The following CFAP96 variants were observed in gnomAD, a reference collection of about 807,000 sequenced individuals.
CFAP96 encodes the protein cilia-and flagella-associated protein 96.
chr4:185,449,136 T>C, the CFAP96 span, among the ~76,000 whole-genome samples: 2 of 152,162 alleles, frequency 1.3e-5, no homozygotes, highest in Non-Finnish European at 2.9e-5. Context: ...AAATGAAGTG[T>C]TTTAAGTTGA....
At chr4:185,420,192 T>C in the CFAP96 span, among the ~76,000 whole-genome samples, 4 of 148,930 alleles carry the variant, frequency 2.7e-5, no homozygotes, top group African/African-American at 4.9e-5. Context: ...GGTTTTTTTT[T>C]CCTCTGTATG....
At chr4:185,415,997 G>A in the CFAP96 span, 2 of 662,210 alleles carry the variant, frequency 3.0e-6, no homozygotes, top group African/African-American at 1.9e-5. Flanking sequence ...GTACAGTAGT[G>A]AAAAGGGGGA....
the CFAP96 span, chr4:185,445,078 A>C: frequency 1.3e-6 from 2 of 1,551,682 alleles, no homozygotes; most frequent in South Asian, 1.2e-5. Context: ...CCACCCACCA[A>C]GTGGACCAAA....
At chr4:185,411,505 G>A in the CFAP96 span, among the ~76,000 whole-genome samples, 14 of 152,036 alleles carry the variant, frequency 9.2e-5, no homozygotes, top group African/African-American at 3.4e-4. Flanking sequence ...TGCAAAAATC[G>A]TAAAATATTA....
At chr4:185,427,047 A>G in the CFAP96 span, among the ~76,000 whole-genome samples, 1 of 150,676 alleles carries the variant, frequency 6.6e-6, no homozygotes, top group Non-Finnish European at 1.5e-5. Context: ...CCTGGGCAAC[A>G]GAGAGAGACT....
At chr4:185,426,785 A>T in the CFAP96 span, among the ~76,000 whole-genome samples, 1 of 149,250 alleles carries the variant, frequency 6.7e-6, no homozygotes, top group African/African-American at 2.5e-5. Context: ...TAATCCCAGC[A>T]CTTTGGGAGG....
At chr4:185,443,911 CTA>C in the CFAP96 span, among the ~76,000 whole-genome samples, 1 of 132,528 alleles carries the variant, frequency 7.5e-6, no homozygotes, top group South Asian at 2.4e-4. Flanking sequence ...AAACTTATAA[CTA>C]TATCTTTCTT....
At chr4:185,444,292 C>G in the CFAP96 span, among the ~76,000 whole-genome samples, 8 of 152,052 alleles carry the variant, frequency 5.3e-5, no homozygotes, top group Admixed American at 1.3e-4. Flanking sequence ...GTATATTTGG[C>G]ATAGATACTA....
At chr4:185,413,900 A>G in the CFAP96 span, 12 of 1,563,894 alleles carry the variant, frequency 7.7e-6, no homozygotes, top group South Asian at 1.5e-4. Flanking sequence ...CAACAGAAAA[A>G]GAAAAAATGT....
At chr4:185,432,201 C>T in the CFAP96 span, 79 of 1,549,172 alleles carry the variant, frequency 5.1e-5, no homozygotes, top group African/African-American at 7.1e-4. Context: ...GAGAAAAAGC[C>T]GTAAGTGTTT....
At chr4:185,448,855 A>G in the CFAP96 span, among the ~76,000 whole-genome samples, 1 of 145,508 alleles carries the variant, frequency 6.9e-6, no homozygotes, top group African/African-American at 2.7e-5. Flanking sequence ...AAGTTCTATG[A>G]TGCTGTTAGA....
chr4:185,427,374 C>T, the CFAP96 span, among the ~76,000 whole-genome samples: 2 of 152,254 alleles, frequency 1.3e-5, no homozygotes, highest in Non-Finnish European at 2.9e-5. Context: ...CTTCACTTGC[C>T]CCTTTGGTGT....
At chr4:185,436,359 G>T in the CFAP96 span, 1 of 1,535,898 alleles carries the variant, frequency 6.5e-7, no homozygotes, top group South Asian at 1.2e-5. Context: ...TAAAGTATAA[G>T]GTAAAAAATC....
At chr4:185,448,439 A>G in the CFAP96 span, among the ~76,000 whole-genome samples, 1 of 152,200 alleles carries the variant, frequency 6.6e-6, no homozygotes, top group Non-Finnish European at 1.5e-5. Context: ...TACTCTTTGT[A>G]GCACTTTGGT....
the CFAP96 span, chr4:185,429,642 C>A: frequency 1.2e-4 from 71 of 590,406 alleles, no homozygotes; most frequent in African/African-American, 1.3e-3. Context: ...AGTTTGTTAA[C>A]GTGTAAAATT....
chr4:185,417,838 G>A, the CFAP96 span, among the ~76,000 whole-genome samples: 1 of 152,116 alleles, frequency 6.6e-6, no homozygotes, highest in African/African-American at 2.4e-5. Context: ...GAGGTCAGGA[G>A]TTTGAGACCA....
the CFAP96 span, among the ~76,000 whole-genome samples, chr4:185,408,716 A>G: frequency 6.6e-6 from 1 of 152,154 alleles, no homozygotes; most frequent in South Asian, 2.1e-4. Context: ...TTCGGTTCCC[A>G]TATACCAGGG....
chr4:185,432,620 T>C, the CFAP96 span, among the ~76,000 whole-genome samples: 6 of 152,130 alleles, frequency 3.9e-5, no homozygotes, highest in Admixed American at 2.0e-4. Flanking sequence ...CCCAGCACTT[T>C]TGGAGGCCGA....
the CFAP96 span, among the ~76,000 whole-genome samples, chr4:185,448,122 G>A: frequency 2.6e-5 from 4 of 152,084 alleles, no homozygotes; most frequent in Non-Finnish European, 5.9e-5. Context: ...CCAGGTTCAA[G>A]CAACTCTCCT....
Sources: gnomAD v4.1 joint callset for allele counts (sites outside exome capture counted in the v4.1 genomes callset) on GRCh38, gnomAD v4.1.1 for gene constraint, MANE v1.5 for transcripts, NCBI Gene and HGNC (gene_info 2026-07-23, HGNC 2026-07-21) for gene names.